The following NPAS3 variants were observed in gnomAD, a reference collection of about 807,000 sequenced individuals.
The protein encoded by NPAS3 is neuronal PAS domain-containing protein 3.
A neutral mutation model predicts 73.1 loss-of-function variants in NPAS3; 14 were observed. The observed-to-expected ratio is 0.19, with a 90% CI of 0.13 to 0.30. The LOEUF is 0.30. Ranked by LOEUF, NPAS3 falls within the 10% of genes least tolerant of loss-of-function variation. The pLI, the probability that NPAS3 is intolerant of heterozygous loss-of-function variation, is 1.00. For synonymous variants in NPAS3, 620 were observed against 541.5 expected (o/e 1.14, Z -2.01); for missense variants, 1,096 against 1,250.0 (o/e 0.88, Z 1.86).
chr14:33,255,090 A>G (rs1025975978), intron 3 of NPAS3, among the ~76,000 whole-genome samples: 1 of 152,200 alleles, frequency 6.6e-6, no homozygotes, highest in Non-Finnish European at 1.5e-5. Flanking sequence ...AATAGGAAGT[A>G]TGCTTTTCCT....
chr14:32,987,115 G>C (rs370278760), intron 1 of NPAS3, among the ~76,000 whole-genome samples: 13 of 152,072 alleles, frequency 8.5e-5, no homozygotes, highest in African/African-American at 3.1e-4. Context: ...AGAGCAGAGA[G>C]TATTTTTAAA....
At chr14:33,560,001 C>G in intron 4 of NPAS3, 120 bp from the exon 5 acceptor site, 1 of 509,656 alleles carries the variant, frequency 2.0e-6, no homozygotes, top group Non-Finnish European at 3.4e-6. Flanking sequence ...CAGAGCAAGA[C>G]TCTGTCTCAA....
At chr14:33,494,930 G>T (rs1007129289) in intron 4 of NPAS3, among the ~76,000 whole-genome samples, 3 of 152,014 alleles carry the variant, frequency 2.0e-5, no homozygotes, top group African/African-American at 7.2e-5. Flanking sequence ...TGCACAACCC[G>T]CAGAGTCTCA....
In NPAS3 at chr14:33,064,970, T is replaced by A. The variant is rs186360265; in HGVS notation, c.140+8976T>A. 6.4e-4 allele frequency among the ~76,000 whole-genome samples: 97 copies of A among 152,274 alleles called. 2 individuals are homozygous for A. The highest frequency in any genetic ancestry group is 2.3e-3 in the African/African-American group (95 of 41,570). On this transcript the variant is annotated intron_variant, in intron 2 of 11. Transcript: ENST00000356141. The stretch of plus-strand genomic sequence containing the variant: ...TTGGGGGAAGCTGGAAGCTACATGG[T>A]CAGTTTCCATAGAGAAACTGTTCCA...
intron 1 of NPAS3, among the ~76,000 whole-genome samples, chr14:32,973,180 A>G (rs1345108243): frequency 3.3e-5 from 5 of 152,230 alleles, no homozygotes; most frequent in African/African-American, 1.2e-4. Context: ...AAGACTCTAC[A>G]TAAAAGAGAC....
intron 4 of NPAS3, among the ~76,000 whole-genome samples, chr14:33,415,898 C>T (rs1347510036): frequency 6.6e-6 from 1 of 151,980 alleles, no homozygotes. Context: ...TATTTGGTTT[C>T]CTTCACCACT....
At chr14:33,088,978 G>T (rs1416749030) in intron 2 of NPAS3, among the ~76,000 whole-genome samples, 1 of 151,904 alleles carries the variant, frequency 6.6e-6, no homozygotes, top group Non-Finnish European at 1.5e-5. Flanking sequence ...ACTGTTAAAA[G>T]GAAAACTAAC....
intron 3 of NPAS3, among the ~76,000 whole-genome samples, chr14:33,343,500 C>T (rs997990542): frequency 6.6e-6 from 1 of 152,044 alleles, no homozygotes; most frequent in Non-Finnish European, 1.5e-5. Context: ...TCTGTCTGGC[C>T]CCCTACCATT....
At chr14:33,645,306 TG>T (rs1021399536) in intron 5 of NPAS3, among the ~76,000 whole-genome samples, 3 of 152,072 alleles carry the variant, frequency 2.0e-5, no homozygotes, top group Non-Finnish European at 2.9e-5. Flanking sequence ...TGATATCCTC[TG>T]GGGGTGGGAT....
At position 33,160,736 on chromosome 14, in the gene NPAS3, C is replaced by CT. The variant is rs531842982; in HGVS notation, c.141-54437dup. Among the ~76,000 whole-genome samples the CT allele has an allele frequency of 5.9e-4, 87 of 147,474 alleles. 1 individual carries two copies. Among genetic ancestry groups the CT allele is most frequent in the South Asian group, 1.5e-3 (7 of 4,688 alleles). ...TTATGATTCTGTTTTTATTTATTTA[C>CT]TTTTTTTTTGTTTTAAGTCACAGAA... is the stretch of plus-strand genomic sequence containing the variant. On this transcript the variant is annotated intron_variant, in intron 2 of 11. Coordinates refer to ENST00000356141, the Ensembl canonical transcript of NPAS3.
chr14:33,495,076 G>A (rs1595024414), intron 4 of NPAS3, among the ~76,000 whole-genome samples: 2 of 152,126 alleles, frequency 1.3e-5, no homozygotes, highest in East Asian at 3.9e-4. Context: ...TTAGGGCATC[G>A]ATTTTAGATC....
chr14:33,606,104 G>A (rs1291304663), intron 5 of NPAS3, among the ~76,000 whole-genome samples: 1 of 151,364 alleles, frequency 6.6e-6, no homozygotes, highest in African/African-American at 2.4e-5. Context: ...TTAAGTTTTA[G>A]GGTACATGTG....
intron 5 of NPAS3, among the ~76,000 whole-genome samples, chr14:33,562,686 T>G (rs1486873946): frequency 1.3e-5 from 2 of 152,160 alleles, no homozygotes; most frequent in East Asian, 3.8e-4. Flanking sequence ...GATATATTTT[T>G]AAAAGCCCAA....
chr14:33,339,810 T>C (rs942958561), intron 3 of NPAS3, among the ~76,000 whole-genome samples: 4 of 152,238 alleles, frequency 2.6e-5, no homozygotes, highest in African/African-American at 9.6e-5. Context: ...TTTGTTTAGA[T>C]TTGGCCTTAA....
At chr14:33,606,060 G>A (rs1461232858) in intron 5 of NPAS3, among the ~76,000 whole-genome samples, 3 of 146,838 alleles carry the variant, frequency 2.0e-5, no homozygotes, top group African/African-American at 7.9e-5. Context: ...TTTATAGGCA[G>A]CTGACTTTCT....
chr14:33,038,983 GA>G (rs1181864152), intron 1 of NPAS3, among the ~76,000 whole-genome samples: 3 of 152,170 alleles, frequency 2.0e-5, no homozygotes, highest in Non-Finnish European at 2.9e-5. Flanking sequence ...AGATGAGGAA[GA>G]AAAGACTATG....
chr14:33,629,775 T>G (rs936953258), intron 5 of NPAS3, among the ~76,000 whole-genome samples: 3 of 152,102 alleles, frequency 2.0e-5, no homozygotes, highest in Admixed American at 6.5e-5. Flanking sequence ...CATACCTTTT[T>G]TATTCTAGCA....
At chr14:33,620,987 G>T (rs1457369804) in intron 5 of NPAS3, among the ~76,000 whole-genome samples, 1 of 152,122 alleles carries the variant, frequency 6.6e-6, no homozygotes, top group Non-Finnish European at 1.5e-5. Context: ...TAAAAAGTTT[G>T]TACATGTATG....
chr14:33,507,777 C>T (rs943122219), intron 4 of NPAS3, among the ~76,000 whole-genome samples: 6 of 151,978 alleles, frequency 3.9e-5, no homozygotes, highest in Admixed American at 1.3e-4. Flanking sequence ...TTTTCTCTGA[C>T]AATGCTGTTC....
Sources: allele counts gnomAD v4.1 joint callset (sites outside exome capture counted in the v4.1 genomes callset), GRCh38; gene constraint gnomAD v4.1.1; transcripts MANE v1.5; gene names NCBI Gene and HGNC (gene_info 2026-07-23, HGNC 2026-07-21).